MBTPS1: variants seen among roughly 807,000 people sequenced by gnomAD.
MBTPS1 encodes membrane-bound transcription factor site-1 protease.
In MBTPS1, 94 loss-of-function variants were observed where a neutral mutation model predicts 127.8. That is an observed-to-expected ratio of 0.74 (90% CI 0.62 to 0.87). MBTPS1 has a LOEUF of 0.87. Among genes scored for constraint, MBTPS1 ranks in the 40% least tolerant of loss-of-function variants. The pLI is 0.00. For synonymous variants in MBTPS1, 632 were observed against 509.4 expected (o/e 1.24, Z -3.24); for missense variants, 1,636 against 1,353.2 (o/e 1.21, Z -3.28).
At chr16:84,090,987 A>T in intron 7 of MBTPS1, 45 bp from the exon 8 acceptor site, 1 of 1,266,896 alleles carries the variant, frequency 7.9e-7, no homozygotes, top group Non-Finnish European at 1.1e-6. Context: ...CTTTCATTAA[A>T]CATATAACTG....
intron 8 of MBTPS1, among the ~76,000 whole-genome samples, chr16:84,090,543 C>CT (rs1287703635): frequency 6.6e-6 from 1 of 152,130 alleles, no homozygotes; most frequent in Non-Finnish European, 1.5e-5. Flanking sequence ...TGCAGAATCC[C>CT]TAATAGATTC....
At chr16:84,064,046 T>C (rs1483335752) in intron 18 of MBTPS1, among the ~76,000 whole-genome samples, 3 of 152,228 alleles carry the variant, frequency 2.0e-5, no homozygotes, top group Non-Finnish European at 4.4e-5. Flanking sequence ...GATGACATAA[T>C]TTAAAATTTG....
chr16:84,114,059 G>A (rs954073038), intron 1 of MBTPS1, among the ~76,000 whole-genome samples: 3 of 151,718 alleles, frequency 2.0e-5, no homozygotes, highest in African/African-American at 7.3e-5. Flanking sequence ...CTGCCTCCGG[G>A]GTTCAAGCGA....
intron 20 of MBTPS1, chr16:84,059,835 A>G (rs1352421421): frequency 2.0e-5 from 3 of 147,022 alleles, no homozygotes; most frequent in African/African-American, 4.9e-5. Flanking sequence ...TGCATTTTCA[A>G]AATTCTTTCT....
At chr16:84,068,712 G>C (rs1023406976) in intron 14 of MBTPS1, among the ~76,000 whole-genome samples, 2 of 152,234 alleles carry the variant, frequency 1.3e-5, no homozygotes, top group African/African-American at 4.8e-5. Flanking sequence ...AATGGCCAAA[G>C]ACATGTTTAA....
intron 12 of MBTPS1, among the ~76,000 whole-genome samples, chr16:84,073,007 A>T (rs1485360234): frequency 6.6e-6 from 1 of 152,256 alleles, no homozygotes; most frequent in Non-Finnish European, 1.5e-5. Context: ...TATATGCAAT[A>T]ATATTCAGTG....
rs17849045 is a variant in MBTPS1 at position 84,054,662 on chromosome 16, G to A, written c.2963-17C>T. The A allele has an allele frequency of 0.065, 101,705 of 1,558,546 alleles. 4,294 individuals are homozygous for A. Among genetic ancestry groups the A allele is most frequent in the East Asian group, 0.23 (9,953 of 42,846 alleles). ...GCATGATCCCTGTAAGAGGACAGCCGGTTGAACAGGCAGGAACGCCACAGA... is the reference window on the plus strand; with the variant it reads ...GCATGATCCCTGTAAGAGGACAGCCAGTTGAACAGGCAGGAACGCCACAGA... On this transcript the variant is annotated splice_polypyrimidine_tract_variant and intron_variant, in intron 22 of 22. Transcript: ENST00000343411.
intron 22 of MBTPS1, among the ~76,000 whole-genome samples, chr16:84,055,468 C>T (rs967231323): frequency 5.3e-5 from 8 of 152,322 alleles, no homozygotes; most frequent in Admixed American, 4.6e-4. Context: ...TGGAGAAGAA[C>T]CTGCCCTAGG....
chr16:84,055,875 C>G (rs2085514024), intron 22 of MBTPS1, 130 bp downstream of exon 22: 3 of 1,011,426 alleles, frequency 3.0e-6, no homozygotes, highest in Non-Finnish European at 4.3e-6. Context: ...AAGCCAAGAG[C>G]CAAGGCCACC....
At chr16:84,074,497 T>G in intron 12 of MBTPS1, 100 bp downstream of exon 12, 1 of 1,288,784 alleles carries the variant, frequency 7.8e-7, no homozygotes, top group Non-Finnish European at 1.1e-6. Context: ...GCCTAGAACT[T>G]TTCCTTTTTT....
chr16:84,093,868 C>T, intron 4 of MBTPS1, 47 bp from the exon 5 acceptor site: 1 of 1,376,196 alleles, frequency 7.3e-7, no homozygotes, highest in Non-Finnish European at 1.0e-6. Flanking sequence ...AAGAAATCAT[C>T]ATTTTGGATT....
At chr16:84,082,325 A>G (rs980503893) in intron 10 of MBTPS1, among the ~76,000 whole-genome samples, 1 of 152,156 alleles carries the variant, frequency 6.6e-6, no homozygotes, top group African/African-American at 2.4e-5. Flanking sequence ...AGGGGCCACG[A>G]CACAGGACTA....
chr16:84,065,820 T>C (rs2085675043), intron 17 of MBTPS1, 53 bp from the exon 18 acceptor site: 1 of 1,058,054 alleles, frequency 9.5e-7, no homozygotes, highest in Non-Finnish European at 1.4e-6. Context: ...AACACTTTAA[T>C]AAATAATAGC....
rs1370750683 is a variant in MBTPS1 at position 84,090,877 on chromosome 16, A to G, written c.1029T>C (p.Tyr343=). ...TCATCCCTGCTGGGGCTACTTACCC[A>G]TAAAGAGGTCCGTCATTGCCAATAG... is the stretch of plus-strand genomic sequence containing the variant. ...VSAIGNDGPL[Y]GTLNNPADQM... Residue 343 remains tyrosine, a splice_region_variant and synonymous_variant, in exon 8 of 23, where the codon TAT becomes TAC. Transcript: ENST00000343411. 1 of 1,612,372 alleles carries G rather than the reference A, an allele frequency of 6.2e-7. No homozygotes were observed. The highest frequency in any genetic ancestry group is 1.7e-5 in the Admixed American group (1 of 59,926).
intron 11 of MBTPS1, among the ~76,000 whole-genome samples, chr16:84,077,249 A>AAAAAAAAAAAAAGAGAG (rs1555510714): frequency 7.2e-6 from 1 of 138,784 alleles, no homozygotes; most frequent in Non-Finnish European, 1.5e-5. Flanking sequence ...AAAAAAAAAA[A>AAAAAAAAAAAAAGAGAG]AGAGAGAGAG....
At chr16:84,113,967 T>C (rs1044467655) in intron 1 of MBTPS1, among the ~76,000 whole-genome samples, 3 of 150,084 alleles carry the variant, frequency 2.0e-5, no homozygotes, top group South Asian at 2.1e-4. Flanking sequence ...TTTTTTTTTT[T>C]TTTTTTTTCT....
chr16:84,063,377 G>C lies in MBTPS1; in HGVS notation c.2500C>G (p.Pro834Ala), dbSNP rs1414976419. The C allele has an allele frequency of 7.4e-6, 12 of 1,613,954 alleles. No homozygotes were observed. Among genetic ancestry groups the C allele is most frequent in the African/African-American group, 1.3e-5 (1 of 74,916 alleles). The change falls in exon 19 of 23, where the codon CCA becomes GCA. Residue 834 changes from proline to alanine, a missense_variant. Physicochemically the swap from Pro to Ala is conservative, Grantham distance 27. Transcript: ENST00000343411. ...ACAATCCGGCCTCCACCCTCAGCTG[G>C]AATCTGATAAAGTCCCAAAATGGGG... ...NVPILGLYQI[P>A]AEGGGRIVLY...
intron 7 of MBTPS1, among the ~76,000 whole-genome samples, chr16:84,091,323 T>TA (rs2086103616): frequency 2.0e-5 from 3 of 151,990 alleles, no homozygotes; most frequent in African/African-American, 7.2e-5. Context: ...CCGTCTCTAC[T>TA]AAAAATAGCA....
In MBTPS1 at chr16:84,060,789, AG is replaced by A; in HGVS notation, c.2596del (p.Leu866SerfsTer9). On this transcript the variant is annotated frameshift_variant, in exon 20 of 23. Coordinates refer to ENST00000343411, the MANE Select transcript of MBTPS1 (RefSeq NM_003791.4). LOFTEE classifies it high-confidence loss of function. ...QKDCFWLLDALLQYTSYGVTP... is the reference protein window; with the variant it reads ...QKDCFWLLDAXLQYTSYGVTP... ...CACCCCATACGATGTGTACTGGAGG[AG>A]GGCATCCAGAAGCCAAAAGCAGTCT... The A allele has an allele frequency of 2.5e-6, 4 of 1,593,456 alleles. No homozygotes were observed. The highest frequency in any genetic ancestry group is 3.4e-6 in the Non-Finnish European group (4 of 1,169,904).
Sources: allele counts gnomAD v4.1 joint callset (sites outside exome capture counted in the v4.1 genomes callset), GRCh38; gene constraint gnomAD v4.1.1; transcripts MANE v1.5; gene names NCBI Gene and HGNC (gene_info 2026-07-23, HGNC 2026-07-21).